Variants in PDE10A observed in about 807,000 individuals in gnomAD.
The protein encoded by PDE10A is cAMP and cAMP-inhibited cGMP 3',5'-cyclic phosphodiesterase 10A.
A neutral mutation model predicts 97.7 loss-of-function variants in PDE10A; 39 were observed. That is an observed-to-expected ratio of 0.40 (90% CI 0.31 to 0.52). PDE10A has a LOEUF of 0.52. PDE10A is among the 20% of genes least tolerant of loss of function. The pLI, the probability that PDE10A is intolerant of heterozygous loss-of-function variation, is 0.56. For missense variants in PDE10A, 731 were observed against 1,047.8 expected, an observed-to-expected ratio of 0.70 and a Z score of 4.17; for synonymous variants, 371 against 376.8, an observed-to-expected ratio of 0.98 and a Z score of 0.18.
At chr6:165,563,203 AG>A (rs1179122735) in intron 1 of PDE10A, among the ~76,000 whole-genome samples, 3 of 108,254 alleles carry the variant, frequency 2.8e-5, no homozygotes, top group Non-Finnish European at 3.7e-5. Context: ...GAGGCAAGGG[AG>A]GGGGGAAAAA....
chr6:165,568,949 T>C (rs1784921326), intron 1 of PDE10A, among the ~76,000 whole-genome samples: 1 of 152,210 alleles, frequency 6.6e-6, no homozygotes, highest in Non-Finnish European at 1.5e-5. Flanking sequence ...GAATAGCCGT[T>C]AGTGACAAGT....
At chr6:165,494,134 G>A (rs997353726) in intron 2 of PDE10A, among the ~76,000 whole-genome samples, 1 of 152,096 alleles carries the variant, frequency 6.6e-6, no homozygotes, top group African/African-American at 2.4e-5. Context: ...CCTTACTCCT[G>A]CAAGAATGGC....
chr6:165,710,873 T>C (rs1320922267), intron 1 of PDE10A, among the ~76,000 whole-genome samples: 1 of 152,206 alleles, frequency 6.6e-6, no homozygotes, highest in African/African-American at 2.4e-5. Context: ...TGGGCCCTGA[T>C]CAAAAATACC....
intron 3 of PDE10A, among the ~76,000 whole-genome samples, chr6:165,480,883 G>A (rs1364846393): frequency 1.3e-5 from 2 of 152,106 alleles, no homozygotes; most frequent in African/African-American, 2.4e-5. Context: ...TCAAAAAAAC[G>A]TTATAGAGAT....
chr6:165,420,090 G>A (rs914907072), intron 10 of PDE10A, among the ~76,000 whole-genome samples: 3 of 152,278 alleles, frequency 2.0e-5, no homozygotes, highest in East Asian at 1.9e-4. Context: ...TAGCCTGTGA[G>A]CTACAGAAAC....
rs1453708912 is a variant in PDE10A at position 165,739,551 on chromosome 6, GA to G, written c.-614-195984del. Among the ~76,000 whole-genome samples, 11 of 150,688 alleles carry G rather than the reference GA, an allele frequency of 7.3e-5. No homozygotes were observed. In the South Asian group the frequency reaches 2.3e-3, roughly 32 times the overall value. ...TGTGAAAATGCTAGAAGAAAACAGAGAAAAAGCTTTTGAAATTGGTCTGGGC... is the reference window on the plus strand; with the variant it reads ...TGTGAAAATGCTAGAAGAAAACAGAGAAAAGCTTTTGAAATTGGTCTGGGC... On this transcript the variant is annotated intron_variant, in intron 1 of 19. Coordinates refer to the PDE10A transcript ENST00000366882.
chr6:165,393,310 T>C (rs947425199), intron 15 of PDE10A, among the ~76,000 whole-genome samples: 15 of 152,152 alleles, frequency 9.9e-5, no homozygotes, highest in Admixed American at 2.0e-4. Flanking sequence ...ACTCAAATTA[T>C]TAAGTCACAA....
intron 3 of PDE10A, among the ~76,000 whole-genome samples, chr6:165,454,468 T>C (rs541644026): frequency 2.0e-5 from 3 of 152,270 alleles, no homozygotes; most frequent in Non-Finnish European, 4.4e-5. Context: ...CCTTAAGAGA[T>C]GATTAGGTCA....
At chr6:165,668,232 GAC>G (rs1442324383), upstream of PDE10A, among the ~76,000 whole-genome samples, 2 of 152,178 alleles carry the variant, frequency 1.3e-5, no homozygotes, top group Non-Finnish European at 2.9e-5. Flanking sequence ...GTCATAGAGG[GAC>G]ATTCTGGATA....
intron 1 of PDE10A, among the ~76,000 whole-genome samples, chr6:165,842,609 T>C (rs1780292759): frequency 6.6e-6 from 1 of 152,244 alleles, no homozygotes; most frequent in African/African-American, 2.4e-5. Flanking sequence ...ATGCTTTCCA[T>C]GCTCGTTTTA....
chr6:165,982,826 T>C (rs748469146), intron 1 of PDE10A, among the ~76,000 whole-genome samples: 11 of 152,138 alleles, frequency 7.2e-5, no homozygotes, highest in Non-Finnish European at 1.3e-4. Context: ...CAACCAAACA[T>C]TGTAACACAA....
In PDE10A at chr6:165,662,998, G is replaced by T. The variant is rs1320024978; in HGVS notation, c.-187C>A. Among the ~76,000 whole-genome samples the T allele has an allele frequency of 6.6e-6, 1 of 151,362 alleles. No homozygotes were observed. Among genetic ancestry groups the T allele is most frequent in the Non-Finnish European group, 1.5e-5 (1 of 67,698 alleles). On this transcript the variant is annotated 5_prime_UTR_variant, in exon 1 of 22. Transcript: ENST00000539869. ...CTTCACATTGTGCTCGGCTTGGGTT[G>T]CGGGAGGACCCGGGCCTGGGGGCCA...
chr6:165,753,970 G>T (rs547187154), intron 1 of PDE10A, among the ~76,000 whole-genome samples: 1 of 152,120 alleles, frequency 6.6e-6, no homozygotes, highest in African/African-American at 2.4e-5. Context: ...TGTAGGCAAG[G>T]TATTCATCAT....
intron 1 of PDE10A, among the ~76,000 whole-genome samples, chr6:165,597,152 G>C (rs1036713847): frequency 6.6e-6 from 1 of 151,930 alleles, no homozygotes; most frequent in East Asian, 1.9e-4. Context: ...AGGTATCCTG[G>C]AGGAAAGTGA....
intron 1 of PDE10A, among the ~76,000 whole-genome samples, chr6:165,700,639 A>G (rs1751829071): frequency 6.6e-6 from 1 of 152,180 alleles, no homozygotes; most frequent in South Asian, 2.1e-4. Flanking sequence ...CACCCAATAC[A>G]TTGTGTAATT....
chr6:165,381,153 T>C (rs929777555), intron 17 of PDE10A, among the ~76,000 whole-genome samples: 1 of 152,222 alleles, frequency 6.6e-6, no homozygotes, highest in Non-Finnish European at 1.5e-5. Context: ...AGGGTCTCCT[T>C]AGCCTAGGCT....
chr6:165,595,656 TGGATAATCTA>T (rs1213683006), intron 1 of PDE10A, among the ~76,000 whole-genome samples: 2 of 152,198 alleles, frequency 1.3e-5, no homozygotes, highest in Admixed American at 1.3e-4. Context: ...CACCTTAGAC[TGGATAATCTA>T]GGAACAACAG....
chr6:165,906,261 G>C lies in PDE10A; in HGVS notation c.-615+81268C>G, dbSNP rs369407156. ...CCAGTACTGCTCCAAGGGCGCAGTG[G>C]AAAGGAGGAAGCTCTCCGTTTAGCT... On this transcript the variant is annotated intron_variant, in intron 1 of 19. Coordinates refer to the PDE10A transcript ENST00000366882. 3.3e-5 allele frequency among the ~76,000 whole-genome samples: 5 copies of C among 151,300 alleles called. No individual in the cohort carries two copies. The South Asian group carries it at 1.1e-3, about 32-fold the overall frequency.
intron 1 of PDE10A, among the ~76,000 whole-genome samples, chr6:165,791,491 ACTTATTTT>A (rs774665466): frequency 1.5e-3 from 221 of 152,188 alleles, no homozygotes; most frequent in Non-Finnish European, 2.9e-3. Flanking sequence ...CGGTCCTCTG[ACTTATTTT>A]AATGTTTATC....
Sources: gnomAD v4.1 joint callset for allele counts (sites outside exome capture counted in the v4.1 genomes callset) on GRCh38, gnomAD v4.1.1 for gene constraint, MANE v1.5 for transcripts, NCBI Gene and HGNC (gene_info 2026-07-23, HGNC 2026-07-21) for gene names.